Variants in SAFB observed in about 807,000 individuals in gnomAD.
SAFB encodes scaffold attachment factor B1.
Under a neutral mutation model 101.6 loss-of-function variants are expected in SAFB, and 15 were observed. The observed-to-expected ratio is 0.15, with a 90% CI of 0.10 to 0.23. The LOEUF (loss-of-function observed/expected upper bound fraction) is 0.23, where lower values mean the gene tolerates loss of function less well. SAFB is among the 10% of genes least tolerant of loss of function. The pLI, the probability that SAFB is intolerant of heterozygous loss-of-function variation, is 1.00. For missense variants in SAFB, 930 were observed against 1,104.1 expected (o/e 0.84, Z 2.23); for synonymous variants, 449 against 407.5 (o/e 1.10, Z -1.23).
chr19:5,642,026 G>A (rs1365958326), intron 4 of SAFB, 80 bp downstream of exon 4: 3 of 1,170,474 alleles, frequency 2.6e-6, no homozygotes, highest in Non-Finnish European at 3.8e-6. Context: ...GTTTCATATT[G>A]GGAAGTAAGT....
At chr19:5,666,552 A>G (rs1209687872) in intron 17 of SAFB, 2 of 165,176 alleles carry the variant, frequency 1.2e-5, no homozygotes, top group African/African-American at 2.4e-5. Context: ...TTGCCTAGCA[A>G]TTGGTCGGAT....
intron 13 of SAFB, among the ~76,000 whole-genome samples, chr19:5,655,515 G>A (rs980368623): frequency 1.1e-4 from 17 of 148,244 alleles, no homozygotes; most frequent in Non-Finnish European, 2.2e-4. Context: ...TGTGCACACC[G>A]AGCCACCCTT....
intron 2 of SAFB, 51 bp from the exon 3 acceptor site, chr19:5,641,543 C>T: frequency 1.3e-6 from 2 of 1,495,194 alleles, no homozygotes; most frequent in Non-Finnish European, 1.9e-6. Flanking sequence ...ATTGTTGCTT[C>T]TGTAAAGTGC....
intron 2 of SAFB, among the ~76,000 whole-genome samples, chr19:5,632,492 G>A (rs370169250): frequency 6.6e-5 from 10 of 152,112 alleles, no homozygotes; most frequent in East Asian, 1.9e-4. Context: ...CTGCCACCTC[G>A]TCTTAGTCCT....
At chr19:5,627,847 A>G (rs1260886708) in intron 2 of SAFB, among the ~76,000 whole-genome samples, 1 of 152,140 alleles carries the variant, frequency 6.6e-6, no homozygotes, top group Non-Finnish European at 1.5e-5. Flanking sequence ...TATTTATGTC[A>G]TCTTGCCTTC....
At chr19:5,664,732 C>T (rs2054290902) in intron 17 of SAFB, 2 of 377,920 alleles carry the variant, frequency 5.3e-6, no homozygotes, top group South Asian at 4.8e-5. Flanking sequence ...TGGGATGTGA[C>T]CTGGCTCTGC....
At chr19:5,639,285 C>T (rs867234824) in intron 2 of SAFB, among the ~76,000 whole-genome samples, 14 of 152,082 alleles carry the variant, frequency 9.2e-5, no homozygotes, top group African/African-American at 3.4e-4. Flanking sequence ...TTTAAAACTT[C>T]AAAAGAACTA....
chr19:5,637,702 G>T (rs1392440166), intron 2 of SAFB, among the ~76,000 whole-genome samples: 2 of 152,158 alleles, frequency 1.3e-5, no homozygotes, highest in Non-Finnish European at 1.5e-5. Context: ...CTGGGAAAGA[G>T]GCCTGGCAGG....
intron 11 of SAFB, 143 bp from the exon 12 acceptor site, chr19:5,653,918 T>C: frequency 1.5e-6 from 1 of 668,836 alleles, no homozygotes; most frequent in South Asian, 1.9e-5. Flanking sequence ...CATTTGTGGT[T>C]TTAGTAGAGA....
rs745419833 is a variant in SAFB, at chr19:5,667,796, T to C, written c.2558-24T>C. The C allele has an allele frequency of 4.3e-6, 7 of 1,613,660 alleles. No individual in the cohort carries two copies. Among genetic ancestry groups the C allele is most frequent in the Non-Finnish European group, 5.9e-6 (7 of 1,179,604 alleles). ...CCACGCCGTGTGCGCAAGTTCCCTG[T>C]GTGAAAGCACGTCTGTCTTCCAGGT... is the stretch of plus-strand genomic sequence containing the variant. On this transcript the variant is annotated intron_variant, in intron 19 of 20. Transcript: ENST00000588852. This position sits in a 1 kb window ranked among gnomAD's most constrained non-coding sequence, Gnocchi z 4.0.
chr19:5,652,980 A>C, intron 9 of SAFB, 135 bp from the exon 10 acceptor site: 1 of 816,288 alleles, frequency 1.2e-6, no homozygotes, highest in Non-Finnish European at 1.9e-6. Flanking sequence ...AAACAGAAGC[A>C]TTAGTAGCAT....
chr19:5,656,243 T>C (rs1056575787), intron 13 of SAFB, among the ~76,000 whole-genome samples: 2 of 152,108 alleles, frequency 1.3e-5, no homozygotes, highest in African/African-American at 4.8e-5. Context: ...TTTAACTTTT[T>C]TCATTTTTTT....
chr19:5,653,546 A>G lies in SAFB; in HGVS notation c.1526+126A>G, dbSNP rs2053987724. 1.5e-5 allele frequency: 11 copies of G among 757,100 alleles called. 1 individual carries two copies. In the South Asian group the frequency reaches 1.8e-4, roughly 12 times the overall value. The allele number at this position is 757,100 out of a possible 1,614,324, so 46.9% of individuals were successfully genotyped here. Reference sequence around the variant, plus strand: ...CAGTGGTGTGATCTCGGCTCACCTCAACTCCACCTCCTGGGTTCAAGCAAT... The same window carrying G: ...CAGTGGTGTGATCTCGGCTCACCTCGACTCCACCTCCTGGGTTCAAGCAAT... On this transcript the variant is annotated intron_variant, in intron 11 of 20. Coordinates refer to ENST00000588852, the MANE Select transcript of SAFB (RefSeq NM_001201338.2).
chr19:5,667,871 G>A lies in SAFB; in HGVS notation c.2609G>A (p.Arg870Gln), dbSNP rs932373695. 9.3e-6 allele frequency: 15 copies of A among 1,609,386 alleles called. No individual in the cohort carries two copies. Among genetic ancestry groups the A allele is most frequent in the East Asian group, 4.5e-5 (2 of 44,834 alleles). Residue 870 changes from arginine to glutamine, a missense_variant, in exon 20 of 21, where the codon CGA becomes CAA. Coordinates refer to ENST00000588852, the MANE Select transcript of SAFB (RefSeq NM_001201338.2). This position sits in a 1 kb window ranked among gnomAD's most constrained non-coding sequence, Gnocchi z 4.0. ...GHSGPGHMMN[R>Q]GGMSGRGSFA... is the part of the protein sequence containing the mutation. The stretch of plus-strand genomic sequence containing the variant: ...TCCGGGCCTGGCCACATGATGAACC[G>A]AGGAGGAATGTCAGGGTAAGGCATG...
rs1308246066 is a variant in SAFB at position 5,667,110 on chromosome 19, G to A, written c.2399G>A (p.Gly800Asp). ...CGGGACTCCCGCGATGGCTGGGGGG[G>A]CTATGGCTCTGACAAGAGGATGAGC... ...HGRDSRDGWGGYGSDKRMSEG... is the reference protein window; with the variant it reads ...HGRDSRDGWGDYGSDKRMSEG... The change falls in exon 18 of 21, where the codon GGC becomes GAC. Residue 800 changes from glycine to aspartate, a missense_variant. Gly to Asp is a moderately conservative substitution (Grantham distance 94). Coordinates refer to ENST00000588852, the MANE Select transcript of SAFB (RefSeq NM_001201338.2). The surrounding 1 kb of genome is among the most constrained non-coding windows in gnomAD (Gnocchi z 4.0). 1 of 1,612,684 alleles carries A rather than the reference G, an allele frequency of 6.2e-7. No individual in the cohort carries two copies. Among genetic ancestry groups the A allele is most frequent in the Non-Finnish European group, 8.5e-7 (1 of 1,179,480 alleles).
Position 5,654,476 on chromosome 19 carries a change from C to G in SAFB, c.1755+20C>G, listed in dbSNP as rs1394136508. On this transcript the variant is annotated intron_variant, in intron 13 of 20. Transcript: ENST00000588852. Reference sequence around the variant, plus strand: ...GAGAGAGTGAGTATTAATTTTCTAACTAGGGTATTTTGCTCTTCTTTTCAG... The same window carrying G: ...GAGAGAGTGAGTATTAATTTTCTAAGTAGGGTATTTTGCTCTTCTTTTCAG... The G allele has an allele frequency of 2.9e-6, 4 of 1,396,106 alleles. No homozygotes were observed. In the South Asian group the frequency reaches 4.6e-5, roughly 16 times the overall value. The allele number at this position is 1,396,106 out of a possible 1,614,324, so 86.5% of individuals were successfully genotyped here.
chr19:5,634,558 A>C (rs1173697068), intron 2 of SAFB, among the ~76,000 whole-genome samples: 1 of 152,104 alleles, frequency 6.6e-6, no homozygotes, highest in Admixed American at 6.5e-5. Context: ...ATTTGGCTAC[A>C]TAAAAGTTTT....
At chr19:5,652,572 T>G (rs926016994) in intron 9 of SAFB, among the ~76,000 whole-genome samples, 5 of 152,154 alleles carry the variant, frequency 3.3e-5, no homozygotes, top group African/African-American at 9.7e-5. Context: ...CGACCCTAAC[T>G]GCATCCTGCT....
intron 14 of SAFB, 165 bp from the exon 15 acceptor site, chr19:5,661,353 C>A: frequency 7.9e-7 from 1 of 1,258,310 alleles, no homozygotes; most frequent in Non-Finnish European, 1.1e-6. Context: ...TGGGCTGCTC[C>A]TGTGGGCCCG....
Sources: gnomAD v4.1 joint callset for allele counts (sites outside exome capture counted in the v4.1 genomes callset) on GRCh38, gnomAD v4.1.1 for gene constraint, Gnocchi (gnomAD v3.1) non-coding constraint, MANE v1.5 for transcripts, NCBI Gene and HGNC (gene_info 2026-07-23, HGNC 2026-07-21) for gene names.